RDH12: variants seen among roughly 807,000 people sequenced by gnomAD.
The protein encoded by RDH12 is retinol dehydrogenase 12, also known as all-trans and 9-cis retinol dehydrogenase.
A neutral mutation model predicts 34.0 loss-of-function variants in RDH12; 21 were observed. The observed-to-expected ratio is 0.62, with a 90% CI of 0.44 to 0.89. The LOEUF is 0.89. Among genes scored for constraint, RDH12 ranks in the 40% least tolerant of loss-of-function variants. The pLI, the probability that RDH12 is intolerant of heterozygous loss-of-function variation, is 0.00. For synonymous variants in RDH12, 198 were observed against 169.9 expected (o/e 1.17, Z -1.29); for missense variants, 394 against 398.6 (o/e 0.99, Z 0.10).
rs140821098 is a variant in RDH12, at chr14:67,729,312, G to T, written c.780G>T (p.Glu260Asp). 64 of 1,600,908 alleles carry T rather than the reference G, an allele frequency of 4.0e-5. No homozygotes were observed. Among genetic ancestry groups the T allele is most frequent in the African/African-American group, 2.4e-4 (18 of 74,870 alleles). Reference protein sequence around the residue: ...LFSPFVKTAREGAQTSLHCAL... With the variant: ...LFSPFVKTARDGAQTSLHCAL... ...CCCCCTTTGTCAAGACGGCACGGGA[G>T]GGGGCGCAGACCAGCCTGCACTGCG... Residue 260 changes from glutamate to aspartate, a missense_variant, in exon 8 of 9, where the codon GAG (glutamate) becomes GAT (aspartate). Glu to Asp is a conservative substitution (Grantham distance 45). Transcript: ENST00000551171.
At chr14:67,728,423 C>T (rs972813883) in intron 7 of RDH12, among the ~76,000 whole-genome samples, 1 of 152,120 alleles carries the variant, frequency 6.6e-6, no homozygotes, top group African/African-American at 2.4e-5. Flanking sequence ...AAGGAAGGTT[C>T]CTAGCTGAGC....
intron 6 of RDH12, 107 bp from the exon 7 acceptor site, chr14:67,726,874 T>C (rs2140144965): frequency 3.1e-6 from 3 of 972,670 alleles, no homozygotes; most frequent in East Asian, 5.1e-5. Flanking sequence ...TCAAAATTGG[T>C]TCACACCCAG....
intron 1 of RDH12, among the ~76,000 whole-genome samples, chr14:67,716,701 T>A (rs2038072600): frequency 6.6e-6 from 1 of 152,118 alleles, no homozygotes; most frequent in Non-Finnish European, 1.5e-5. Flanking sequence ...CTGGTTAACA[T>A]GGTGAAACCC....
In RDH12 at chr14:67,726,139, G is replaced by A; in HGVS notation, c.432G>A (p.Leu144=). 6.2e-7 allele frequency: 1 copy of A among 1,608,980 alleles called. No individual in the cohort carries two copies. The highest frequency in any genetic ancestry group is 1.1e-5 in the South Asian group (1 of 90,966). The change falls in exon 6 of 9, where the codon CTG becomes CTA. Residue 144 remains leucine (L), a synonymous_variant. Coordinates refer to ENST00000551171, the MANE Select transcript of RDH12 (RefSeq NM_152443.3). The part of the protein sequence containing the change: ...SKTADGFETH[L]GVNHLGHFLL... ...CAGCTGATGGCTTTGAAACCCACCTGGGAGTCAACCACCTGGGTAAGTATC... is the reference window on the plus strand; with the variant it reads ...CAGCTGATGGCTTTGAAACCCACCTAGGAGTCAACCACCTGGGTAAGTATC...
At chr14:67,728,908 TATTAG>T (rs749243777) in intron 7 of RDH12, among the ~76,000 whole-genome samples, 2 of 152,232 alleles carry the variant, frequency 1.3e-5, no homozygotes, top group African/African-American at 2.4e-5. Context: ...TTGTCATGTT[TATTAG>T]TAGTACTAAA....
At chr14:67,711,971 G>A (rs568319674) in intron 1 of RDH12, among the ~76,000 whole-genome samples, 49 of 152,250 alleles carry the variant, frequency 3.2e-4, no homozygotes, top group African/African-American at 1.1e-3. Flanking sequence ...CCAGGCTGAA[G>A]TGCAATGGTG....
At chr14:67,709,705 A>T (rs1337708700) in intron 1 of RDH12, among the ~76,000 whole-genome samples, 1 of 152,222 alleles carries the variant, frequency 6.6e-6, no homozygotes, top group Non-Finnish European at 1.5e-5. Flanking sequence ...ATCTTCTACC[A>T]GGCCTGAAGA....
At chr14:67,716,424 T>A (rs1451969230) in intron 1 of RDH12, among the ~76,000 whole-genome samples, 1 of 152,196 alleles carries the variant, frequency 6.6e-6, no homozygotes, top group Non-Finnish European at 1.5e-5. Flanking sequence ...AGAAAGTTTT[T>A]AAAAAAGTGA....
chr14:67,729,098 C>T (rs2038229787), intron 7 of RDH12, 93 bp from the exon 8 acceptor site: 3 of 1,306,660 alleles, frequency 2.3e-6, no homozygotes, highest in Non-Finnish European at 2.2e-6. Context: ...TCCTGAGTCC[C>T]TCCTTCTCAC....
At chr14:67,732,901 T>C (rs2038301931) in intron 8 of RDH12, among the ~76,000 whole-genome samples, 2 of 152,112 alleles carry the variant, frequency 1.3e-5, no homozygotes, top group Admixed American at 1.3e-4. Context: ...TTTCTTCTTT[T>C]ATCAGCACTG....
chr14:67,715,228 G>C (rs890716935), intron 1 of RDH12: 2 of 151,760 alleles, frequency 1.3e-5, no homozygotes, highest in Non-Finnish European at 2.9e-5. Context: ...AAATAAAAGG[G>C]GGGGAGCCCC....
chr14:67,724,293 G>A (rs1303154485), intron 3 of RDH12, among the ~76,000 whole-genome samples, 180 bp from the exon 4 acceptor site: 1 of 152,080 alleles, frequency 6.6e-6, no homozygotes, highest in Non-Finnish European at 1.5e-5. Context: ...ATAAACAGGC[G>A]ACTACCTTGC....
At position 67,729,317 on chromosome 14, in the gene RDH12, C is replaced by T. The variant is rs773620603; in HGVS notation, c.785C>T (p.Ala262Val). Residue 262 changes from alanine to valine, a missense_variant, in exon 8 of 9, where the codon GCG becomes GTG. Ala to Val is a moderately conservative substitution (Grantham distance 64). Transcript: ENST00000551171. ...SPFVKTAREG[A>V]QTSLHCALAE... is the part of the protein sequence containing the mutation. ...TTTGTCAAGACGGCACGGGAGGGGG[C>T]GCAGACCAGCCTGCACTGCGCCCTG... The T allele has an allele frequency of 1.2e-6, 2 of 1,600,260 alleles. No homozygotes were observed. The highest frequency in any genetic ancestry group is 1.7e-6 in the Non-Finnish European group (2 of 1,179,882).
intron 1 of RDH12, among the ~76,000 whole-genome samples, chr14:67,702,292 T>C (rs2037908277): frequency 6.6e-6 from 1 of 152,162 alleles, no homozygotes; most frequent in African/African-American, 2.4e-5. Flanking sequence ...TTAAGTTTTT[T>C]TCTATTAACC....
intron 1 of RDH12, among the ~76,000 whole-genome samples, chr14:67,707,335 C>T (rs955184225): frequency 1.3e-5 from 2 of 152,224 alleles, no homozygotes; most frequent in Non-Finnish European, 2.9e-5. Context: ...AATCTTTTCT[C>T]TCTCCAGTTT....
chr14:67,719,667 G>A lies in RDH12; in HGVS notation c.-274-1181G>A, dbSNP rs111907066. On this transcript the variant is annotated intron_variant, in intron 1 of 8. Transcript: ENST00000551171. ...TTTTAGTTTTCCTTTTTGTAGAGACGGGGTCTCACTATGTTGCCCAGGTTG... is the reference window on the plus strand; with the variant it reads ...TTTTAGTTTTCCTTTTTGTAGAGACAGGGTCTCACTATGTTGCCCAGGTTG... Among the ~76,000 whole-genome samples, 523 of 151,746 alleles carry A rather than the reference G, an allele frequency of 3.4e-3. 3 individuals carry two copies. Among genetic ancestry groups the A allele is most frequent in the African/African-American group, 0.012 (502 of 41,378 alleles).
intron 2 of RDH12, among the ~76,000 whole-genome samples, chr14:67,721,841 A>G (rs1453363069): frequency 6.6e-6 from 1 of 151,908 alleles, no homozygotes; most frequent in African/African-American, 2.4e-5. Flanking sequence ...AACTGAGTTA[A>G]CAGAGAGGTT....
intron 5 of RDH12, 150 bp downstream of exon 5, chr14:67,725,404 A>T: frequency 2.4e-6 from 2 of 827,074 alleles, no homozygotes; most frequent in Middle Eastern, 3.3e-4. Context: ...GGGAATTGGC[A>T]AGAGGATGGT....
At chr14:67,708,125 A>G (rs1365998806) in intron 1 of RDH12, among the ~76,000 whole-genome samples, 1 of 152,254 alleles carries the variant, frequency 6.6e-6, no homozygotes, top group Non-Finnish European at 1.5e-5. Flanking sequence ...AGGCAGAGAG[A>G]CACAAATATG....
Sources: allele counts gnomAD v4.1 joint callset (sites outside exome capture counted in the v4.1 genomes callset), GRCh38; gene constraint gnomAD v4.1.1; transcripts MANE v1.5; gene names NCBI Gene and HGNC (gene_info 2026-07-23, HGNC 2026-07-21).